UTP14A: variants seen among roughly 807,000 people sequenced by gnomAD.
UTP14A encodes the protein UTP14A small subunit processome component, also known as U3 small nucleolar RNA-associated protein 14 homolog A.
In UTP14A, 5 loss-of-function variants were observed where a neutral mutation model predicts 57.2. The observed-to-expected ratio is 0.09, with a 90% CI of 0.05 to 0.18. The LOEUF (loss-of-function observed/expected upper bound fraction) is 0.18, where lower values mean the gene tolerates loss of function less well. UTP14A is among the 10% of genes least tolerant of loss of function. The pLI is 1.00. For missense variants in UTP14A, 430 were observed against 562.1 expected (o/e 0.76, Z 2.38); for synonymous variants, 169 against 210.9 (o/e 0.80, Z 1.72).
rs746876772 is a variant in UTP14A, at chrX:129,924,842, A to G, written c.1396A>G (p.Lys466Glu). Reference protein sequence around the residue: ...VLSELRVLSQKLKENHQSRKQ... With the variant: ...VLSELRVLSQELKENHQSRKQ... ...GTCTGAATTGAGAGTACTATCTCAG[A>G]AATTGAAGGAAAACCATCAGTCCAG... Residue 466 changes from lysine to glutamate, a missense_variant, in exon 12 of 15, where the codon AAA becomes GAA. Coordinates refer to ENST00000394422, the MANE Select transcript of UTP14A (RefSeq NM_006649.4). 16 of 1,206,604 alleles carry G rather than the reference A, an allele frequency of 1.3e-5. No individual in the cohort carries two copies. The East Asian group carries it at 4.4e-4, about 34-fold the overall frequency.
rs1189038668 is a variant in UTP14A at position 129,908,495 on chromosome X, A to T, written c.174-175A>T. On this transcript the variant is annotated intron_variant, in intron 3 of 14. Coordinates refer to ENST00000394422, the MANE Select transcript of UTP14A (RefSeq NM_006649.4). The stretch of plus-strand genomic sequence containing the variant: ...GTAATAAAGAGAAGAGATGAGGGTT[A>T]GACAACCAAGTCCAAGTTAGGAACA... The T allele has an allele frequency of 6.0e-6, 3 of 498,169 alleles. No homozygotes were observed. The African/African-American group carries it at 7.1e-5, about 12-fold the overall frequency. The allele number at this position is 498,169 out of a possible 1,213,427, so 41.1% of individuals were successfully genotyped here. A position where few individuals can be genotyped will look rare whatever the true frequency, so the allele number is the denominator to read the frequency against.
At chrX:129,916,515 C>T (rs997401471) in intron 6 of UTP14A, among the ~76,000 whole-genome samples, 14 of 111,552 alleles carry the variant, frequency 1.3e-4, no homozygotes, top group Non-Finnish European at 5.6e-5. Flanking sequence ...TCTCCCTCTC[C>T]GCCAGCTTAT....
intron 6 of UTP14A, among the ~76,000 whole-genome samples, chrX:129,918,942 T>G (rs181688010): frequency 1.8e-5 from 2 of 111,306 alleles, no homozygotes; most frequent in African/African-American, 6.5e-5. Context: ...TCAGCAGTAT[T>G]AGAGAGTAGC....
At chrX:129,928,384 CAAAAAAAAAAAAAA>C (rs1183151025) in intron 14 of UTP14A, among the ~76,000 whole-genome samples, 1 of 8,763 alleles carries the variant, frequency 1.1e-4, no homozygotes, top group Non-Finnish European at 2.2e-4. Flanking sequence ...GACTCCATCT[CAAAAAAAAAAAAAA>C]AAAAAAAAAA....
At chrX:129,915,242 T>C (rs1199883469) in intron 6 of UTP14A, among the ~76,000 whole-genome samples, 1 of 103,607 alleles carries the variant, frequency 9.7e-6, no homozygotes, top group African/African-American at 3.6e-5. Context: ...ATAAAGGCTA[T>C]GGGCCGGGCG....
Position 129,921,582 on chromosome X carries a change from C to T in UTP14A, c.1343C>T (p.Thr448Ile). The stretch of plus-strand genomic sequence containing the variant: ...GCTGAGCCAGCAGGCAGTCAAGAAA[C>T]AAAAGGTGAGCTGTGATCAAATGGA... ...QDAEPAGSQETKDSGSQEVLS... is the reference protein window; with the variant it reads ...QDAEPAGSQEIKDSGSQEVLS... Residue 448 changes from threonine to isoleucine, a missense_variant, in exon 11 of 15, where the codon ACA becomes ATA. This residue lies in a region of UTP14A where 120 missense variants were observed against 116.8 expected (regional missense o/e 1.03). Coordinates refer to ENST00000394422, the MANE Select transcript of UTP14A (RefSeq NM_006649.4). 8.3e-7 allele frequency: 1 copy of T among 1,208,126 alleles called. No homozygotes were observed. The highest frequency in any genetic ancestry group is 1.1e-6 in the Non-Finnish European group (1 of 894,143).
intron 12 of UTP14A, 56 bp from the exon 13 acceptor site, chrX:129,925,863 T>C (rs1428190309): frequency 8.5e-7 from 1 of 1,182,193 alleles, no homozygotes; most frequent in African/African-American, 1.8e-5. Flanking sequence ...TCAAGCGTTC[T>C]CGCCATGAAC....
intron 4 of UTP14A, among the ~76,000 whole-genome samples, 199 bp downstream of exon 4, chrX:129,908,933 G>A (rs1204905039): frequency 8.9e-6 from 1 of 111,940 alleles, no homozygotes; most frequent in Non-Finnish European, 1.9e-5. Flanking sequence ...GAAGGCTGTG[G>A]TCAAGGTATC....
chrX:129,907,511 G>A lies in UTP14A; in HGVS notation c.102+69G>A, dbSNP rs1208742346. 4 of 951,837 alleles carry A rather than the reference G, an allele frequency of 4.2e-6. No individual in the cohort carries two copies. In the East Asian group the frequency reaches 1.3e-4, roughly 30 times the overall value. The allele number at this position is 951,837 out of a possible 1,213,427, so 78.4% of individuals were successfully genotyped here. On this transcript the variant is annotated intron_variant, in intron 2 of 14. Coordinates refer to ENST00000394422, the MANE Select transcript of UTP14A (RefSeq NM_006649.4). ...GCACATTCCTGGAATGGAAGGGTGT[G>A]ACAATGTTCTATGTATTTGTTCAGG...
chrX:129,909,164 C>A (rs1929364235), intron 4 of UTP14A, among the ~76,000 whole-genome samples: 2 of 109,825 alleles, frequency 1.8e-5, no homozygotes, highest in African/African-American at 3.3e-5. Context: ...TATTTCTCAA[C>A]CTTTGCTTTT....
chrX:129,910,986 A>G (rs762318839), intron 4 of UTP14A, 22 bp from the exon 5 acceptor site: 31 of 1,207,345 alleles, frequency 2.6e-5, no homozygotes, highest in Non-Finnish European at 3.5e-5. Context: ...TGGTCTGACC[A>G]GAAAGTTTGA....
At position 129,925,149 on chromosome X, in the gene UTP14A, A is replaced by C; in HGVS notation, c.1703A>C (p.Gln568Pro). 3 of 1,211,336 alleles carry C rather than the reference A, an allele frequency of 2.5e-6. No homozygotes were observed. Among genetic ancestry groups the C allele is most frequent in the Non-Finnish European group, 3.4e-6 (3 of 895,381 alleles). Residue 568 changes from glutamine to proline, a missense_variant, in exon 12 of 15, where the codon CAA (glutamine) becomes CCA (proline). Transcript: ENST00000394422. ...GACCTACAGAACCTCCTAACCACAC[A>C]ATCTCCCTCCGTGAAGTCTTTGGCA... ...MIDLQNLLTT[Q>P]SPSVKSLAVP...
At chrX:129,920,800 G>A in intron 10 of UTP14A, 48 bp downstream of exon 10, 1 of 1,210,768 alleles carries the variant, frequency 8.3e-7, no homozygotes, top group Non-Finnish European at 1.1e-6. Context: ...GAGGATGCTA[G>A]CAGAAGCAGA....
chrX:129,915,690 G>A (rs772126979), intron 6 of UTP14A, among the ~76,000 whole-genome samples: 1 of 110,820 alleles, frequency 9.0e-6, no homozygotes, highest in East Asian at 2.8e-4. Context: ...TGTGTTTGGG[G>A]AAGAGCTGGT....
At chrX:129,912,894 A>G (rs1375345542) in intron 6 of UTP14A, among the ~76,000 whole-genome samples, 1 of 112,201 alleles carries the variant, frequency 8.9e-6, no homozygotes, top group Non-Finnish European at 1.9e-5. Context: ...AATGGTGTTG[A>G]AATATCTTTT....
In UTP14A at chrX:129,920,442, C is replaced by T. The variant is rs757779905; in HGVS notation, c.753-15C>T. 14 of 1,210,414 alleles carry T rather than the reference C, an allele frequency of 1.2e-5. No homozygotes were observed. Among genetic ancestry groups the T allele is most frequent in the Non-Finnish European group, 1.2e-5 (11 of 895,343 alleles). On this transcript the variant is annotated splice_polypyrimidine_tract_variant and intron_variant, in intron 8 of 14. Transcript: ENST00000394422. Reference sequence around the variant, plus strand: ...TTCAGCTAAATTGCTAAACTCTTCCCTCCTACCCCTACAGGTATCACAAAG... The same window carrying T: ...TTCAGCTAAATTGCTAAACTCTTCCTTCCTACCCCTACAGGTATCACAAAG...
Position 129,926,103 on chromosome X carries a change from A to G in UTP14A, c.1934A>G (p.Lys645Arg). 5.8e-6 allele frequency: 7 copies of G among 1,210,898 alleles called. No homozygotes were observed. The highest frequency in any genetic ancestry group is 7.8e-6 in the Non-Finnish European group (7 of 895,086). The change falls in exon 13 of 15, where the codon AAA (lysine) becomes AGA (arginine). Residue 645 changes from lysine (K) to arginine (R), a missense_variant. Coordinates refer to ENST00000394422, the MANE Select transcript of UTP14A (RefSeq NM_006649.4). The stretch of plus-strand genomic sequence containing the variant: ...GTGGGCCTAAAGCCCAGTGCCAAGA[A>G]AAGACGCCGGTAAGAATGCCGAAGA... ...GGVGLKPSAKKRRRFLIKAPE... is the reference protein window; with the variant it reads ...GGVGLKPSAKRRRRFLIKAPE...
intron 11 of UTP14A, chrX:129,921,899 C>T (rs149892853): frequency 8.3e-4 from 184 of 222,013 alleles, no homozygotes; most frequent in African/African-American, 4.9e-3. Context: ...GTTAGCGTTC[C>T]TGGTACCTAC....
At chrX:129,920,987 C>T (rs1477543945) in intron 10 of UTP14A, 11 of 747,046 alleles carry the variant, frequency 1.5e-5, no homozygotes, top group Non-Finnish European at 1.6e-5. Flanking sequence ...CTTATTTCAC[C>T]GTTGATTCCT....
Sources: allele counts gnomAD v4.1 joint callset (sites outside exome capture counted in the v4.1 genomes callset), GRCh38; gene constraint gnomAD v4.1.1; regional missense constraint gnomAD v4.1.1; transcripts MANE v1.5; gene names NCBI Gene and HGNC (gene_info 2026-07-23, HGNC 2026-07-21).